Variants in CACNA1G observed in about 807,000 individuals in gnomAD.
CACNA1G encodes the protein voltage-dependent T-type calcium channel subunit alpha-1G.
A neutral mutation model predicts 219.4 loss-of-function variants in CACNA1G; 67 were observed. The observed-to-expected ratio is 0.31, with a 90% CI of 0.25 to 0.37. The LOEUF is 0.37. Ranked by LOEUF, CACNA1G falls within the 10% of genes least tolerant of loss-of-function variation. CACNA1G has a pLI of 1.00. For synonymous variants in CACNA1G, 1,296 were observed against 1,345.3 expected, an observed-to-expected ratio of 0.96 and a Z score of 0.80; for missense variants, 2,380 against 3,231.4, an observed-to-expected ratio of 0.74 and a Z score of 6.39.
rs2039756784 is a variant in CACNA1G at position 50,572,881 on chromosome 17, T to TCCCCAGAACACCAG, written c.1047+34_1047+47dup. On this transcript the variant is annotated intron_variant, in intron 6 of 37. Coordinates refer to ENST00000359106, the MANE Select transcript of CACNA1G (RefSeq NM_018896.5). ...TGGGGCAGCCTGGGCCCCGGGAGCT[T>TCCCCAGAACACCAG]CCCCAGAACACCAGCCCCAGGACAC... The TCCCCAGAACACCAG allele has an allele frequency of 6.2e-6, 10 of 1,603,834 alleles. No homozygotes were observed. In the South Asian group the frequency reaches 1.1e-4, roughly 18 times the overall value.
intron 13 of CACNA1G, among the ~76,000 whole-genome samples, chr17:50,592,919 C>A (rs186849557): frequency 6.6e-6 from 1 of 152,294 alleles, no homozygotes; most frequent in East Asian, 1.9e-4. Flanking sequence ...ACCTGGCACA[C>A]GGTGGAAAAA....
At chr17:50,581,343 T>C (rs1056380724) in intron 9 of CACNA1G, among the ~76,000 whole-genome samples, 2 of 151,854 alleles carry the variant, frequency 1.3e-5, no homozygotes, top group Admixed American at 1.3e-4. Context: ...ACGGCTTCCC[T>C]GCGGTGCCCT....
chr17:50,584,736 G>C (rs373169102), intron 9 of CACNA1G, among the ~76,000 whole-genome samples: 1 of 143,776 alleles, frequency 7.0e-6, no homozygotes. Flanking sequence ...TTGGAGGAGG[G>C]ACGTGGAGCC....
In CACNA1G at chr17:50,618,212, C is replaced by T; in HGVS notation, c.5306-10C>T. On this transcript the variant is annotated splice_polypyrimidine_tract_variant and intron_variant, in intron 31 of 37. Transcript: ENST00000359106. This position sits in a 1 kb window ranked among gnomAD's most constrained non-coding sequence, Gnocchi z 5.3. ...AACATGGGCCTCTCCCCCTTTCCCT[C>T]CTCCCCCAGAGTGTGACGAGACACA... The T allele has an allele frequency of 1.2e-6, 2 of 1,613,284 alleles. No homozygotes were observed. The highest frequency in any genetic ancestry group is 1.7e-6 in the Non-Finnish European group (2 of 1,179,352).
intron 9 of CACNA1G, among the ~76,000 whole-genome samples, chr17:50,587,708 C>T (rs935853297): frequency 6.6e-6 from 1 of 152,258 alleles, no homozygotes. Flanking sequence ...TCAGGCTGCC[C>T]TGCTTTTCCA....
In CACNA1G at chr17:50,618,760, G is replaced by A; in HGVS notation, c.5533G>A (p.Val1845Met). The A allele has an allele frequency of 6.2e-7, 1 of 1,613,978 alleles. No individual in the cohort carries two copies. The highest frequency in any genetic ancestry group is 8.5e-7 in the Non-Finnish European group (1 of 1,179,892). ...VLTAQFVLVN[V>M]VIAVLMKHLE... is the part of the protein sequence containing the mutation. ...GACGGCCCAGTTCGTGCTAGTCAACGTGGTGATCGCCGTGCTGATGAAGCA... is the reference window on the plus strand; with the variant it reads ...GACGGCCCAGTTCGTGCTAGTCAACATGGTGATCGCCGTGCTGATGAAGCA... The change falls in exon 33 of 38, where the codon GTG becomes ATG. Residue 1845 changes from valine (V) to methionine (M), a missense_variant. This residue lies in a region of CACNA1G where 33 missense variants were observed against 70.2 expected (regional missense o/e 0.47). Transcript: ENST00000359106. This position sits in a 1 kb window ranked among gnomAD's most constrained non-coding sequence, Gnocchi z 5.3.
chr17:50,594,871 A>C, intron 13 of CACNA1G, 122 bp from the exon 14 acceptor site: 2 of 651,160 alleles, frequency 3.1e-6, no homozygotes, highest in Admixed American at 2.3e-5. Context: ...CGTGTCTCTC[A>C]GTTCCCCTGC....
At position 50,617,471 on chromosome 17, in the gene CACNA1G, G is replaced by A. The variant is rs1330078780; in HGVS notation, c.5055G>A (p.Leu1685=). 6.2e-7 allele frequency: 1 copy of A among 1,613,918 alleles called. No homozygotes were observed. The highest frequency in any genetic ancestry group is 1.1e-5 in the South Asian group (1 of 91,042). The change falls in exon 29 of 38, where the codon CTG becomes CTA. Residue 1685 remains leucine (L), a synonymous_variant. Coordinates refer to ENST00000359106, the MANE Select transcript of CACNA1G (RefSeq NM_018896.5). This position sits in a 1 kb window ranked among gnomAD's most constrained non-coding sequence, Gnocchi z 5.8. ...WNQLDLAIVL[L]SIMGITLEEI... ...AGCTGGACCTGGCCATTGTGCTGCT[G>A]TCCATCATGGGCATCACGCTGGAGG... is the stretch of plus-strand genomic sequence containing the variant.
rs747347699 is a variant in CACNA1G, at chr17:50,578,277, C to A, written c.2014C>A (p.Arg672=). ...CGPDSCPYCA[R]AGAGEVELAD... The stretch of plus-strand genomic sequence containing the variant: ...TCCAGACAGCTGCCCCTACTGTGCC[C>A]GGGCCGGGGCAGGGGAGGTGGAGCT... Residue 672 remains arginine, a synonymous_variant, in exon 9 of 38, where the codon CGG becomes AGG. Coordinates refer to ENST00000359106, the MANE Select transcript of CACNA1G (RefSeq NM_018896.5). The surrounding 1 kb of genome is among the most constrained non-coding windows in gnomAD (Gnocchi z 4.5). 1 of 1,612,964 alleles carries A rather than the reference C, an allele frequency of 6.2e-7. No individual in the cohort carries two copies. The highest frequency in any genetic ancestry group is 8.5e-7 in the Non-Finnish European group (1 of 1,179,756).
chr17:50,604,412 C>T, intron 22 of CACNA1G, 131 bp downstream of exon 22: 1 of 1,200,178 alleles, frequency 8.3e-7, no homozygotes, highest in Non-Finnish European at 1.2e-6. Flanking sequence ...GGACGCTTCC[C>T]TCCAGGCTCT....
chr17:50,576,398 G>C, intron 8 of CACNA1G, 72 bp downstream of exon 8: 1 of 1,441,520 alleles, frequency 6.9e-7, no homozygotes, highest in South Asian at 1.2e-5. Context: ...GGGGACTAGG[G>C]GGTCTGGAGT....
intron 22 of CACNA1G, among the ~76,000 whole-genome samples, 167 bp from the exon 23 acceptor site, chr17:50,605,731 G>A (rs914283121): frequency 2.6e-5 from 4 of 152,164 alleles, no homozygotes; most frequent in African/African-American, 9.7e-5. Flanking sequence ...AGGGGGTGTC[G>A]GCAGGGGAGA....
chr17:50,576,000 T>C lies in CACNA1G; in HGVS notation c.1598T>C (p.Met533Thr). 1 of 1,556,144 alleles carries C rather than the reference T, an allele frequency of 6.4e-7. No individual in the cohort carries two copies. Among genetic ancestry groups the C allele is most frequent in the South Asian group, 1.2e-5 (1 of 84,396 alleles). ...GATGCCAATGGGTCCCGCCGGCTCA[T>C]GCTGCCACCACCCTCGACGCCTGCC... ...DRDANGSRRL[M>T]LPPPSTPALS... The change falls in exon 8 of 38, where the codon ATG (methionine) becomes ACG (threonine). Residue 533 changes from methionine (M) to threonine (T), a missense_variant. Physicochemically the swap from Met to Thr is moderately conservative, Grantham distance 81 (BLOSUM62 -1). Transcript: ENST00000359106.
At position 50,583,428 on chromosome 17, in the gene CACNA1G, A is replaced by G. The variant is rs778960547; in HGVS notation, c.2301+4864A>G. On this transcript the variant is annotated intron_variant, in intron 9 of 37. Coordinates refer to ENST00000359106, the MANE Select transcript of CACNA1G (RefSeq NM_018896.5). The stretch of plus-strand genomic sequence containing the variant: ...CCTGTGCACAGCACACTAGAATAGA[A>G]TATTAGAATATCAGGGGGTTGGGGG... Among the ~76,000 whole-genome samples, 25 of 152,328 alleles carry G rather than the reference A, an allele frequency of 1.6e-4. No homozygotes were observed. In the Middle Eastern group the frequency reaches 0.01, roughly 62 times the overall value.
chr17:50,580,185 C>T (rs750714281), intron 9 of CACNA1G, among the ~76,000 whole-genome samples: 4 of 152,142 alleles, frequency 2.6e-5, no homozygotes, highest in Admixed American at 6.5e-5. Context: ...GTCTGGGCTA[C>T]GTGGGTGTGG....
Position 50,601,274 on chromosome 17 carries a change from C to T in CACNA1G, c.3915+100C>T, listed in dbSNP as rs562583442. 322 of 1,444,774 alleles carry T rather than the reference C, an allele frequency of 2.2e-4. 1 individual carries two copies. Among genetic ancestry groups the T allele is most frequent in the Non-Finnish European group, 3.0e-4 (316 of 1,056,686 alleles). 89.5% of individuals were successfully genotyped at this position (1,444,774 alleles called of 1,614,324 possible). The stretch of plus-strand genomic sequence containing the variant: ...GCCACAGTTGCTGACCTGCAAGTCA[C>T]ACAGCAGGGAACGAGGGGGCCAGGA... On this transcript the variant is annotated intron_variant, in intron 19 of 37. Coordinates refer to ENST00000359106, the MANE Select transcript of CACNA1G (RefSeq NM_018896.5).
Position 50,617,429 on chromosome 17 carries a change from G to A in CACNA1G, c.5022-9G>A, listed in dbSNP as rs1173832216. ...CCCAACTCAGGGAGCTGTATTCTGGGCTTTCCAGGTGGAACCAGCTGGACC... is the reference window on the plus strand; with the variant it reads ...CCCAACTCAGGGAGCTGTATTCTGGACTTTCCAGGTGGAACCAGCTGGACC... On this transcript the variant is annotated splice_polypyrimidine_tract_variant and intron_variant, in intron 28 of 37. Transcript: ENST00000359106. This position sits in a 1 kb window ranked among gnomAD's most constrained non-coding sequence, Gnocchi z 5.8. 2 of 1,611,266 alleles carry A rather than the reference G, an allele frequency of 1.2e-6. No individual in the cohort carries two copies. The highest frequency in any genetic ancestry group is 1.1e-5 in the South Asian group (1 of 90,760).
intron 9 of CACNA1G, among the ~76,000 whole-genome samples, chr17:50,580,849 C>G (rs1381119844): frequency 6.6e-6 from 1 of 152,192 alleles, no homozygotes; most frequent in African/African-American, 2.4e-5. Context: ...TAAGAAGTCC[C>G]AGAAGCTGCC....
chr17:50,626,256 C>A lies in CACNA1G; in HGVS notation c.6639C>A (p.Ser2213Arg). Residue 2213 changes from serine (S) to arginine (R), a missense_variant, in exon 38 of 38, where the codon AGC (serine) becomes AGA (arginine). Coordinates refer to ENST00000359106, the MANE Select transcript of CACNA1G (RefSeq NM_018896.5). The surrounding 1 kb of genome is among the most constrained non-coding windows in gnomAD (Gnocchi z 4.3). Reference sequence around the variant, plus strand: ...GCAAGGGCCCTCCAGAGACCAGAAGCAGCTTAGAGTTGGACACGGAGCTGA... The same window carrying A: ...GCAAGGGCCCTCCAGAGACCAGAAGAAGCTTAGAGTTGGACACGGAGCTGA... ...NWGKGPPETR[S>R]SLELDTELSW... 4 of 1,613,784 alleles carry A rather than the reference C, an allele frequency of 2.5e-6. No homozygotes were observed. The highest frequency in any genetic ancestry group is 8.5e-7 in the Non-Finnish European group (1 of 1,179,878).
Sources: gnomAD v4.1 joint callset for allele counts (sites outside exome capture counted in the v4.1 genomes callset) on GRCh38, gnomAD v4.1.1 for gene constraint, gnomAD v4.1.1 regional missense constraint, Gnocchi (gnomAD v3.1) non-coding constraint, MANE v1.5 for transcripts, NCBI Gene and HGNC (gene_info 2026-07-23, HGNC 2026-07-21) for gene names.